KMT2A: variants seen among roughly 807,000 people sequenced by gnomAD.
The protein encoded by KMT2A is histone-lysine N-methyltransferase 2A.
Under a neutral mutation model 345.3 loss-of-function variants are expected in KMT2A, and 16 were observed. The ratio of observed to expected loss-of-function variants is 0.05; its 90% CI spans 0.03 to 0.07. The LOEUF is 0.07. Ranked by LOEUF, KMT2A falls within the 10% of genes least tolerant of loss-of-function variation. KMT2A has a pLI of 1.00. For missense variants in KMT2A, 3,272 were observed against 4,841.6 expected, an observed-to-expected ratio of 0.68 and a Z score of 9.62; for synonymous variants, 1,599 against 1,778.6, an observed-to-expected ratio of 0.90 and a Z score of 2.54.
chr11:118,504,623 G>A lies in KMT2A; in HGVS notation c.8731G>A (p.Asp2911Asn). 6.2e-7 allele frequency: 1 copy of A among 1,614,174 alleles called. No individual in the cohort carries two copies. Among genetic ancestry groups the A allele is most frequent in the Non-Finnish European group, 8.5e-7 (1 of 1,180,010 alleles). ...SQQLPTTEPV[D>N]SSVSSSISAE... ...GCAGCTGCCTACAACAGAACCTGTGGATAGTAGTGTCTCTTCCTCTATCTC... is the reference window on the plus strand; with the variant it reads ...GCAGCTGCCTACAACAGAACCTGTGAATAGTAGTGTCTCTTCCTCTATCTC... Residue 2911 changes from aspartate to asparagine, a missense_variant, in exon 27 of 36, where the codon GAT (aspartate) becomes AAT (asparagine). By Grantham distance (23) the Asp-to-Asn change is conservative. This residue lies in a region of KMT2A where 748 missense variants were observed against 922.2 expected (regional missense o/e 0.81). Coordinates refer to ENST00000534358, the MANE Select transcript of KMT2A (RefSeq NM_001197104.2). This position sits in a 1 kb window ranked among gnomAD's most constrained non-coding sequence, Gnocchi z 6.4.
At chr11:118,459,874 A>T (rs1174696331) in intron 1 of KMT2A, among the ~76,000 whole-genome samples, 1 of 151,200 alleles carries the variant, frequency 6.6e-6, no homozygotes, top group Middle Eastern at 3.2e-3. Flanking sequence ...TTTGGTAGAG[A>T]CAGGGTTTCA....
intron 2 of KMT2A, among the ~76,000 whole-genome samples, chr11:118,469,311 A>C (rs1430420331): frequency 3.3e-5 from 5 of 151,942 alleles, no homozygotes; most frequent in African/African-American, 1.2e-4. Context: ...AGATTTACAC[A>C]TTTTGTGTTA....
Position 118,496,986 on chromosome 11 carries a change from TTTG to T in KMT2A, c.5664+622_5664+624del, listed in dbSNP as rs1555044157. On this transcript the variant is annotated intron_variant, in intron 20 of 35. Coordinates refer to ENST00000534358, the MANE Select transcript of KMT2A (RefSeq NM_001197104.2). This position sits in a 1 kb window ranked among gnomAD's most constrained non-coding sequence, Gnocchi z 4.7. ...TTTTGTGTTTTTTGTTTTGTTTTGT[TTTG>T]TTTTTTTGAGCGGAGTTTCGCTCTT... 1.3e-5 allele frequency among the ~76,000 whole-genome samples: 2 copies of T among 152,136 alleles called. No individual in the cohort carries two copies. Among genetic ancestry groups the T allele is most frequent in the African/African-American group, 4.8e-5 (2 of 41,446 alleles).
chr11:118,469,782 G>C (rs1949911734), intron 2 of KMT2A, among the ~76,000 whole-genome samples: 1 of 152,194 alleles, frequency 6.6e-6, no homozygotes, highest in South Asian at 2.1e-4. Context: ...ATGTGTGCTA[G>C]CATTAGGGTC....
In KMT2A at chr11:118,522,867, C is replaced by T. The variant is rs752518405; in HGVS notation, c.*695C>T. The T allele has an allele frequency of 8.9e-5, 20 of 224,020 alleles. No homozygotes were observed. Among genetic ancestry groups the T allele is most frequent in the Admixed American group, 1.7e-4 (3 of 17,446 alleles). The allele number at this position is 224,020 out of a possible 1,614,324, so 13.9% of individuals were successfully genotyped here. ...CTTTCTTGACAGTAGGAGCGGCTTC[C>T]CTCTCCCATTCCCTCTTCACTCCCT... On this transcript the variant is annotated 3_prime_UTR_variant, in exon 36 of 36. Coordinates refer to ENST00000534358, the MANE Select transcript of KMT2A (RefSeq NM_001197104.2). This position sits in a 1 kb window ranked among gnomAD's most constrained non-coding sequence, Gnocchi z 5.4.
chr11:118,502,547 G>A lies in KMT2A; in HGVS notation c.6655G>A (p.Gly2219Arg), dbSNP rs2134385063. The A allele has an allele frequency of 6.2e-7, 1 of 1,614,066 alleles. No individual in the cohort carries two copies. The highest frequency in any genetic ancestry group is 8.5e-7 in the Non-Finnish European group (1 of 1,179,992). The change falls in exon 27 of 36, where the codon GGG becomes AGG. Residue 2219 changes from glycine (G) to arginine (R), a missense_variant. Gly to Arg is a moderately radical substitution (Grantham distance 125, BLOSUM62 -2). Transcript: ENST00000534358. This position sits in a 1 kb window ranked among gnomAD's most constrained non-coding sequence, Gnocchi z 4.9. Reference sequence around the variant, plus strand: ...CCGGATAATGTCTCCAATGAGAACTGGGAATACTTACTCTAGGAATAATGT... The same window carrying A: ...CCGGATAATGTCTCCAATGAGAACTAGGAATACTTACTCTAGGAATAATGT... ...KLRIMSPMRT[G>R]NTYSRNNVSS...
rs1283594887 is a variant in KMT2A at position 118,497,332 on chromosome 11, T to G, written c.5665-604T>G. ...GCTTTTAAATACCATCTGAGAGAAC[T>G]GGCTTTGAAATACAGTTTATAGATG... On this transcript the variant is annotated intron_variant, in intron 20 of 35. Coordinates refer to ENST00000534358, the MANE Select transcript of KMT2A (RefSeq NM_001197104.2). The surrounding 1 kb of genome is among the most constrained non-coding windows in gnomAD (Gnocchi z 4.8). Among the ~76,000 whole-genome samples, 3 of 152,166 alleles carry G rather than the reference T, an allele frequency of 2.0e-5. No individual in the cohort carries two copies. The highest frequency in any genetic ancestry group is 7.2e-5 in the African/African-American group (3 of 41,430).
chr11:118,501,898 C>G, intron 26 of KMT2A, 41 bp downstream of exon 26: 1 of 1,466,096 alleles, frequency 6.8e-7, no homozygotes, highest in Non-Finnish European at 9.3e-7. Flanking sequence ...AGAAGATCAG[C>G]CCAAAGACTA....
chr11:118,439,166 A>AG (rs782318292), intron 1 of KMT2A: 16 of 404,770 alleles, frequency 4.0e-5, no homozygotes, highest in South Asian at 2.3e-4. Context: ...AGCAAAAAAA[A>AG]AAAAAAAGAA....
chr11:118,503,716 A>G lies in KMT2A; in HGVS notation c.7824A>G (p.Lys2608=), dbSNP rs372133306. The G allele has an allele frequency of 2.1e-5, 34 of 1,614,058 alleles. No individual in the cohort carries two copies. In the African/African-American group the frequency reaches 4.5e-4, roughly 22 times the overall value. Residue 2608 remains lysine, a synonymous_variant, in exon 27 of 36, where the codon AAA becomes AAG. Coordinates refer to ENST00000534358, the MANE Select transcript of KMT2A (RefSeq NM_001197104.2). The surrounding 1 kb of genome is among the most constrained non-coding windows in gnomAD (Gnocchi z 5.3). The part of the protein sequence containing the change: ...DRNLMLPDGP[K]PQEDGSFKRR... ...ACCTAATGCTTCCAGATGGCCCCAA[A>G]CCTCAGGAGGATGGCTCTTTTAAAA...
chr11:118,473,475 C>G lies in KMT2A; in HGVS notation c.2316C>G (p.Pro772=), dbSNP rs781796481. Residue 772 remains proline, a synonymous_variant, in exon 3 of 36, where the codon CCC becomes CCG. Coordinates refer to ENST00000534358, the MANE Select transcript of KMT2A (RefSeq NM_001197104.2). This position sits in a 1 kb window ranked among gnomAD's most constrained non-coding sequence, Gnocchi z 5.2. ...GTTCTGAGCTCTCACCTCTCACCCC[C>G]CCGTCTTCTGTCTCTTCCTCGTTAA... ...LSSSELSPLT[P]PSSVSSSLSI... is the part of the protein sequence containing the mutation. The G allele has an allele frequency of 9.3e-6, 15 of 1,614,204 alleles. No homozygotes were observed. The highest frequency in any genetic ancestry group is 5.5e-5 in the South Asian group (5 of 91,086).
rs1555036354 is a variant in KMT2A at position 118,473,260 on chromosome 11, A to G, written c.2101A>G (p.Arg701Gly). The G allele has an allele frequency of 6.2e-7, 1 of 1,611,232 alleles. No homozygotes were observed. The stretch of plus-strand genomic sequence containing the variant: ...AAGGAGCCCTCTTCTGAGAGCTCCA[A>G]GATTTACTCCAAGTGAGGCTCACTC... ...HKRSPLLRAP[R>G]FTPSEAHSRI... Residue 701 changes from arginine to glycine, a missense_variant, in exon 3 of 36, where the codon AGA becomes GGA. Around this residue, in one of 27 missense-constraint regions of KMT2A, gnomAD observed 114 missense variants for 203.2 expected, o/e 0.56. Transcript: ENST00000534358. The surrounding 1 kb of genome is among the most constrained non-coding windows in gnomAD (Gnocchi z 5.2).
chr11:118,488,553 T>C, intron 10 of KMT2A, 61 bp from the exon 11 acceptor site: 1 of 1,566,444 alleles, frequency 6.4e-7, no homozygotes, highest in South Asian at 1.1e-5. Flanking sequence ...AAGGGTATGG[T>C]TGATTATGTT....
Position 118,504,206 on chromosome 11 carries a change from A to G in KMT2A, c.8314A>G (p.Lys2772Glu). The change falls in exon 27 of 36, where the codon AAG becomes GAG. Residue 2772 changes from lysine (K) to glutamate (E), a missense_variant. Physicochemically the swap from Lys to Glu is moderately conservative, Grantham distance 56. Around this residue, in one of 27 missense-constraint regions of KMT2A, gnomAD observed 100 missense variants for 101.3 expected, o/e 0.99. Transcript: ENST00000534358. The surrounding 1 kb of genome is among the most constrained non-coding windows in gnomAD (Gnocchi z 6.4). ...EDAGEKEHVT[K>E]SSVGHKNEPK... is the part of the protein sequence containing the mutation. ...TGCTGGGGAGAAAGAACATGTCACT[A>G]AGAGTTCTGTTGGCCACAAAAATGA... 6.2e-7 allele frequency: 1 copy of G among 1,614,170 alleles called. No individual in the cohort carries two copies. Among genetic ancestry groups the G allele is most frequent in the Non-Finnish European group, 8.5e-7 (1 of 1,180,024 alleles).
intron 10 of KMT2A, among the ~76,000 whole-genome samples, chr11:118,485,279 G>A (rs975479582): frequency 1.3e-5 from 2 of 151,994 alleles, no homozygotes; most frequent in African/African-American, 4.8e-5. Context: ...TAAAAGGGAT[G>A]CTATTGATGG....
intron 8 of KMT2A, among the ~76,000 whole-genome samples, chr11:118,483,506 T>C (rs1322145228): frequency 7.2e-5 from 11 of 152,182 alleles, no homozygotes; most frequent in African/African-American, 1.7e-4. Context: ...GCACTCCAGC[T>C]TGGGTGACAC....
intron 22 of KMT2A, among the ~76,000 whole-genome samples, 185 bp from the exon 23 acceptor site, chr11:118,499,118 T>C (rs1197047919): frequency 6.6e-6 from 1 of 152,228 alleles, no homozygotes; most frequent in Non-Finnish European, 1.5e-5. Context: ...ATAAACTGTT[T>C]TGCTTTTCTA....
At chr11:118,489,948 A>T (rs147874234) in intron 12 of KMT2A, 61 bp downstream of exon 12, 3 of 1,500,896 alleles carry the variant, frequency 2.0e-6, no homozygotes, top group Non-Finnish European at 2.8e-6. Flanking sequence ...GGACTTATGT[A>T]ACTTGTATTA....
In KMT2A at chr11:118,510,230, G is replaced by T; in HGVS notation, c.11071+112G>T. 1.3e-6 allele frequency: 1 copy of T among 784,344 alleles called. No homozygotes were observed. The highest frequency in any genetic ancestry group is 2.6e-5 in the Admixed American group (1 of 38,642). 48.6% of individuals were successfully genotyped at this position (784,344 alleles called of 1,614,324 possible). A position where few individuals can be genotyped will look rare whatever the true frequency, so the allele number is the denominator to read the frequency against. ...GGCTGTTTTATGCTAGATGGTAGGG[G>T]GATACCTGGAGGCATCATACATTTT... On this transcript the variant is annotated intron_variant, in intron 30 of 35. Transcript: ENST00000534358. The surrounding 1 kb of genome is among the most constrained non-coding windows in gnomAD (Gnocchi z 4.1).
Sources: gnomAD v4.1 joint callset for allele counts (sites outside exome capture counted in the v4.1 genomes callset) on GRCh38, gnomAD v4.1.1 for gene constraint, gnomAD v4.1.1 regional missense constraint, Gnocchi (gnomAD v3.1) non-coding constraint, MANE v1.5 for transcripts, NCBI Gene and HGNC (gene_info 2026-07-23, HGNC 2026-07-21) for gene names.